DOK6: variants seen among roughly 807,000 people sequenced by gnomAD.
DOK6 encodes docking protein 6.
A neutral mutation model predicts 44.0 loss-of-function variants in DOK6; 22 were observed. The ratio of observed to expected loss-of-function variants is 0.50; its 90% CI spans 0.36 to 0.71. The LOEUF (loss-of-function observed/expected upper bound fraction) is 0.71. DOK6 is among the 30% of genes least tolerant of loss of function. The probability of loss-of-function intolerance (pLI) is 0.00; values close to 1 mark genes in which losing one functional copy is unlikely to be tolerated. For synonymous variants in DOK6, 166 were observed against 145.5 expected, an observed-to-expected ratio of 1.14 and a Z score of -1.01; for missense variants, 340 against 416.4, an observed-to-expected ratio of 0.82 and a Z score of 1.60.
chr18:69,523,227 A>G (rs967627668), intron 1 of DOK6, among the ~76,000 whole-genome samples: 1 of 152,104 alleles, frequency 6.6e-6, no homozygotes, highest in Non-Finnish European at 1.5e-5. Flanking sequence ...TCTTCCACGG[A>G]TGACAGAGTG....
chr18:69,636,261 A>G (rs1229782846), intron 3 of DOK6, among the ~76,000 whole-genome samples: 1 of 152,206 alleles, frequency 6.6e-6, no homozygotes, highest in Admixed American at 6.5e-5. Context: ...TCTTAAAATG[A>G]GGTGGACATA....
chr18:69,410,328 G>GT (rs1978300728), intron 1 of DOK6, among the ~76,000 whole-genome samples: 1 of 152,246 alleles, frequency 6.6e-6, no homozygotes, highest in Non-Finnish European at 1.5e-5. Context: ...GGAGTTGAGT[G>GT]TAGGTTTGCT....
chr18:69,798,033 G>A (rs1980798768), intron 7 of DOK6, among the ~76,000 whole-genome samples: 1 of 152,124 alleles, frequency 6.6e-6, no homozygotes, highest in Non-Finnish European at 1.5e-5. Flanking sequence ...ATAGAGAGGA[G>A]AAAGGAATAT....
chr18:69,551,988 G>A (rs750565946), intron 1 of DOK6, among the ~76,000 whole-genome samples: 8 of 152,158 alleles, frequency 5.3e-5, no homozygotes, highest in Non-Finnish European at 7.4e-5. Flanking sequence ...AGGCAAGCCC[G>A]ATCATGTTCA....
chr18:69,694,058 C>CAAAAAAAAAAAAAAAAAAAAAAAAA (rs60662789), intron 4 of DOK6, among the ~76,000 whole-genome samples: 1 of 61,980 alleles, frequency 1.6e-5, no homozygotes, highest in Non-Finnish European at 2.9e-5. Flanking sequence ...GACTCCGTGT[C>CAAAAAAAAAAAAAAAAAAAAAAAAA]AAAAAAAAAA....
chr18:69,647,851 A>G (rs1484077760), intron 3 of DOK6, among the ~76,000 whole-genome samples: 2 of 152,138 alleles, frequency 1.3e-5, no homozygotes, highest in Admixed American at 6.6e-5. Flanking sequence ...AGCAAATTGG[A>G]TGAGAAGCAG....
intron 3 of DOK6, 133 bp from the exon 4 acceptor site, chr18:69,677,601 C>T (rs1199377860): frequency 6.9e-5 from 99 of 1,439,026 alleles, no homozygotes; most frequent in Non-Finnish European, 9.1e-5. Flanking sequence ...TTCCTAAATA[C>T]AGTTTTTTGT....
intron 3 of DOK6, among the ~76,000 whole-genome samples, chr18:69,618,247 T>A (rs1489485888): frequency 6.6e-6 from 1 of 152,222 alleles, no homozygotes; most frequent in African/African-American, 2.4e-5. Context: ...GTGATCATTT[T>A]TACGTCAGTC....
chr18:69,648,758 A>G (rs1463835894), intron 3 of DOK6, among the ~76,000 whole-genome samples: 1 of 152,208 alleles, frequency 6.6e-6, no homozygotes, highest in Non-Finnish European at 1.5e-5. Context: ...GTAGAAAATA[A>G]TCAGAACAGC....
rs1326170580 is a variant in DOK6, at chr18:69,757,763, C to T, written c.746C>T (p.Thr249Ile). The change falls in exon 7 of 8, where the codon ACA becomes ATA. Residue 249 changes from threonine to isoleucine, a missense_variant. By Grantham distance (89) the Thr-to-Ile change is moderately conservative. This residue lies in a region of DOK6 where 112 missense variants were observed against 109.3 expected (regional missense o/e 1.02). Coordinates refer to ENST00000382713, the MANE Select transcript of DOK6 (RefSeq NM_152721.6). ...CATTCTTTTCTCTTTTAGCTTCAGA[C>T]AAGCTTGACTGAACCAATGACATTA... Reference protein sequence around the residue: ...LEMEQKARLQTSLTEPMTLSK... With the variant: ...LEMEQKARLQISLTEPMTLSK... The T allele has an allele frequency of 6.2e-7, 1 of 1,613,970 alleles. No homozygotes were observed.
At position 69,401,255 on chromosome 18, in the gene DOK6, A is replaced by G. The variant is rs1314752927; in HGVS notation, c.11A>G (p.Asn4Ser). MAS[N>S]FNDIVKQGYV... ...CCGATCGCGCTGGCCATGGCCTCCA[A>G]CTTTAACGACATAGTCAAGCAGGGC... is the stretch of plus-strand genomic sequence containing the variant. The change falls in exon 1 of 8, where the codon AAC (asparagine) becomes AGC (serine). Residue 4 changes from asparagine (N) to serine (S), a missense_variant. Physicochemically the swap from Asn to Ser is conservative, Grantham distance 46. This residue lies in a region of DOK6 where 206 missense variants were observed against 258.6 expected (regional missense o/e 0.80). Transcript: ENST00000382713. The G allele has an allele frequency of 2.5e-6, 4 of 1,578,694 alleles. No homozygotes were observed. Among genetic ancestry groups the G allele is most frequent in the South Asian group, 1.1e-5 (1 of 87,460 alleles).
At chr18:69,713,960 C>A (rs913449820) in intron 5 of DOK6, among the ~76,000 whole-genome samples, 1 of 152,104 alleles carries the variant, frequency 6.6e-6, no homozygotes, top group Non-Finnish European at 1.5e-5. Flanking sequence ...AAGGATGTGT[C>A]CCACTATGGT....
chr18:69,474,801 G>A (rs1345091710), intron 1 of DOK6, among the ~76,000 whole-genome samples: 1 of 152,146 alleles, frequency 6.6e-6, no homozygotes, highest in African/African-American at 2.4e-5. Flanking sequence ...AATGAATTCA[G>A]TTGTGTAATT....
chr18:69,811,795 T>C (rs1981247116), intron 7 of DOK6, among the ~76,000 whole-genome samples: 1 of 151,832 alleles, frequency 6.6e-6, no homozygotes, highest in Non-Finnish European at 1.5e-5. Flanking sequence ...GTGAGAAAAA[T>C]GCAGAGGTAC....
chr18:69,612,456 A>AGT (rs376765699), intron 3 of DOK6, among the ~76,000 whole-genome samples: 1 of 146,596 alleles, frequency 6.8e-6, no homozygotes, highest in Non-Finnish European at 1.5e-5. Context: ...CATGTGTGCG[A>AGT]GCGTGCATAT....
intron 7 of DOK6, among the ~76,000 whole-genome samples, chr18:69,808,672 C>A (rs1188918130): frequency 6.6e-6 from 1 of 151,774 alleles, no homozygotes; most frequent in Non-Finnish European, 1.5e-5. Context: ...TATACACCAA[C>A]AAATTGGATA....
chr18:69,525,799 A>G (rs534670869), intron 1 of DOK6, among the ~76,000 whole-genome samples: 2 of 152,238 alleles, frequency 1.3e-5, no homozygotes, highest in Admixed American at 6.5e-5. Context: ...CTTTATGCAC[A>G]TCGAAACTTT....
rs551918225 is a variant in DOK6, at chr18:69,462,346, T to C, written c.66+61036T>C. Among the ~76,000 whole-genome samples the C allele has an allele frequency of 5.9e-5, 9 of 152,282 alleles. 1 individual carries two copies. In the South Asian group the frequency reaches 1.9e-3, roughly 32 times the overall value. On this transcript the variant is annotated intron_variant, in intron 1 of 7. Coordinates refer to ENST00000382713, the MANE Select transcript of DOK6 (RefSeq NM_152721.6). ...AATCTTAGCTATTGGCCTTCTTGCA[T>C]AGGCTATTAAGTGTAGTATATTTCT...
intron 1 of DOK6, among the ~76,000 whole-genome samples, chr18:69,550,253 T>C (rs1355193579): frequency 6.6e-6 from 1 of 152,110 alleles, no homozygotes; most frequent in Admixed American, 6.5e-5. Context: ...CTTCCATACA[T>C]TTTCAGGCAC....
Sources: gnomAD v4.1 joint callset for allele counts (sites outside exome capture counted in the v4.1 genomes callset) on GRCh38, gnomAD v4.1.1 for gene constraint, gnomAD v4.1.1 regional missense constraint, MANE v1.5 for transcripts, NCBI Gene and HGNC (gene_info 2026-07-23, HGNC 2026-07-21) for gene names.